FBN2: variants seen among roughly 807,000 people sequenced by gnomAD.
FBN2 encodes fibrillin 2.
Under a neutral mutation model 355.6 loss-of-function variants are expected in FBN2, and 105 were observed. That is an observed-to-expected ratio of 0.30 (90% confidence interval 0.25 to 0.35). The LOEUF (loss-of-function observed/expected upper bound fraction) is 0.35. Ranked by LOEUF, FBN2 falls within the 10% of genes least tolerant of loss-of-function variation. The pLI is 1.00. For synonymous variants in FBN2, 1,350 were observed against 1,301.2 expected (o/e 1.04, Z -0.81); for missense variants, 3,280 against 3,758.7 (o/e 0.87, Z 3.33).
At chr5:128,355,642 A>G (rs1751479889) in intron 20 of FBN2, among the ~76,000 whole-genome samples, 1 of 152,202 alleles carries the variant, frequency 6.6e-6, no homozygotes. Flanking sequence ...TTATACATTC[A>G]TGACTTGTCC....
chr5:128,311,950 T>A lies in FBN2; in HGVS notation c.4883A>T (p.Glu1628Val). The change falls in exon 38 of 65, where the codon GAA (glutamate) becomes GTA (valine). Residue 1628 changes from glutamate to valine, a missense_variant. Around this residue, in one of 6 missense-constraint regions of FBN2, gnomAD observed 2,284 missense variants for 2,749.5 expected, o/e 0.83. Transcript: ENST00000262464. ...ACCTCCGGGACACAGGGTGTAATAT[T>A]CAGCTACAAAACAATAGAAAAATAA... is the stretch of plus-strand genomic sequence containing the variant. ...CETCPPVNSTEYYTLCPGGEG... is the reference protein window; with the variant it reads ...CETCPPVNSTVYYTLCPGGEG... The A allele has an allele frequency of 4.4e-6, 7 of 1,608,664 alleles. No individual in the cohort carries two copies. Among genetic ancestry groups the A allele is most frequent in the Non-Finnish European group, 6.0e-6 (7 of 1,175,252 alleles).
chr5:128,332,211 G>T (rs1334675325), intron 32 of FBN2, among the ~76,000 whole-genome samples: 1 of 152,144 alleles, frequency 6.6e-6, no homozygotes, highest in East Asian at 1.9e-4. Flanking sequence ...TTATCAGGGG[G>T]AAGTGAGTTT....
intron 20 of FBN2, among the ~76,000 whole-genome samples, chr5:128,355,646 C>A (rs953653502): frequency 6.6e-6 from 1 of 152,302 alleles, no homozygotes; most frequent in Non-Finnish European, 1.5e-5. Context: ...ACATTCATGA[C>A]TTGTCCTGTG....
chr5:128,346,624 T>C (rs928943754), intron 23 of FBN2, among the ~76,000 whole-genome samples: 1 of 152,152 alleles, frequency 6.6e-6, no homozygotes, highest in Non-Finnish European at 1.5e-5. Context: ...TTTCTTTCTT[T>C]TGAGATGGAG....
chr5:128,528,557 C>G (rs1247821534), intron 3 of FBN2, among the ~76,000 whole-genome samples: 2 of 152,098 alleles, frequency 1.3e-5, no homozygotes, highest in Non-Finnish European at 2.9e-5. Context: ...GGAGAAACTT[C>G]AGAGAGAGAA....
chr5:128,323,394 T>C (rs1285085934), intron 34 of FBN2, among the ~76,000 whole-genome samples: 2 of 152,306 alleles, frequency 1.3e-5, no homozygotes, highest in South Asian at 2.1e-4. Context: ...GGCTGTGGGT[T>C]TGTCATAAAT....
intron 7 of FBN2, among the ~76,000 whole-genome samples, chr5:128,425,367 T>C (rs331085): frequency 0.098 from 14,915 of 152,138 alleles, 1,031 homozygotes; most frequent in Admixed American, 0.24. Context: ...ACTCCCTTAA[T>C]GTTGGGCAAA....
intron 5 of FBN2, among the ~76,000 whole-genome samples, chr5:128,502,153 C>A (rs2127141317): frequency 6.6e-6 from 1 of 151,022 alleles, no homozygotes; most frequent in Admixed American, 6.6e-5. Flanking sequence ...ACAATTGGAT[C>A]CTATCTACAG....
At chr5:128,411,158 G>A (rs1753051626) in intron 7 of FBN2, among the ~76,000 whole-genome samples, 2 of 152,122 alleles carry the variant, frequency 1.3e-5, no homozygotes, top group South Asian at 4.2e-4. Flanking sequence ...GCCAGGATGA[G>A]TGTTTCCGGA....
At chr5:128,528,173 G>A (rs896486369) in intron 3 of FBN2, among the ~76,000 whole-genome samples, 2 of 151,992 alleles carry the variant, frequency 1.3e-5, no homozygotes, top group African/African-American at 2.4e-5. Context: ...TGTTTTTCAG[G>A]ATGCATTGAA....
intron 11 of FBN2, among the ~76,000 whole-genome samples, chr5:128,379,667 CA>C (rs1752178137): frequency 6.6e-6 from 1 of 151,988 alleles, no homozygotes; most frequent in African/African-American, 2.4e-5. Context: ...GCTGAAAAAC[CA>C]AATGACAGAC....
At chr5:128,324,003 C>T (rs1750469693) in intron 34 of FBN2, among the ~76,000 whole-genome samples, 1 of 152,168 alleles carries the variant, frequency 6.6e-6, no homozygotes, top group Non-Finnish European at 1.5e-5. Flanking sequence ...CAACTTCTTC[C>T]TGGTTTAGTC....
intron 36 of FBN2, among the ~76,000 whole-genome samples, chr5:128,314,468 C>A (rs1225815018): frequency 6.6e-6 from 1 of 152,074 alleles, no homozygotes; most frequent in African/African-American, 2.4e-5. Flanking sequence ...CAGGTGCCTG[C>A]CACCACGCGC....
chr5:128,259,009 C>A lies in FBN2; in HGVS notation c.*446G>T. On this transcript the variant is annotated 3_prime_UTR_variant, in exon 65 of 65. Transcript: ENST00000262464. Reference sequence around the variant, plus strand: ...TCTAAAGAAAAACAAGTGAGTTTCCCTTTTTGTTTACATAGTTTGTTCATT... The same window carrying A: ...TCTAAAGAAAAACAAGTGAGTTTCCATTTTTGTTTACATAGTTTGTTCATT... 6.4e-6 allele frequency: 1 copy of A among 155,676 alleles called. No individual in the cohort carries two copies. Among genetic ancestry groups the A allele is most frequent in the Non-Finnish European group, 1.4e-5 (1 of 70,048 alleles). 9.6% of individuals were successfully genotyped at this position (155,676 alleles called of 1,614,324 possible).
chr5:128,522,697 C>T (rs1257075765), intron 4 of FBN2, among the ~76,000 whole-genome samples: 1 of 152,090 alleles, frequency 6.6e-6, no homozygotes, highest in Non-Finnish European at 1.5e-5. Context: ...TGGTGAATTT[C>T]CTTTTCTCAA....
intron 64 of FBN2, among the ~76,000 whole-genome samples, 191 bp from the exon 65 acceptor site, chr5:128,260,020 C>T (rs991985185): frequency 6.6e-6 from 1 of 151,988 alleles, no homozygotes; most frequent in Non-Finnish European, 1.5e-5. Flanking sequence ...GAAGAAAAGG[C>T]CAATTCCATC....
chr5:128,314,412 G>A (rs1750145536), intron 36 of FBN2, among the ~76,000 whole-genome samples: 1 of 151,006 alleles, frequency 6.6e-6, no homozygotes, highest in Non-Finnish European at 1.5e-5. Context: ...TGCAACCTCT[G>A]CCTCAAGTGA....
intron 18 of FBN2, 66 bp from the exon 19 acceptor site, chr5:128,361,914 G>A (rs1751649533): frequency 6.8e-7 from 1 of 1,465,116 alleles, no homozygotes; most frequent in Admixed American, 1.7e-5. Flanking sequence ...GGGCAGCAAT[G>A]TTTAATTTTG....
At chr5:128,306,699 G>T (rs931707294) in intron 42 of FBN2, among the ~76,000 whole-genome samples, 7 of 152,018 alleles carry the variant, frequency 4.6e-5, no homozygotes, top group African/African-American at 1.5e-4. Context: ...CATTTAGAAG[G>T]AATTAATTAA....
Sources: gnomAD v4.1 joint callset for allele counts (sites outside exome capture counted in the v4.1 genomes callset) on GRCh38, gnomAD v4.1.1 for gene constraint, gnomAD v4.1.1 regional missense constraint, MANE v1.5 for transcripts, NCBI Gene and HGNC (gene_info 2026-07-23, HGNC 2026-07-21) for gene names.